Variants in NYAP2 observed in about 807,000 individuals in gnomAD.
NYAP2 encodes neuronal tyrosine-phosphorylated phosphoinositide-3-kinase adapter 2.
NYAP2 carries 23 observed loss-of-function variants against 50.4 expected under a neutral mutation model. The observed-to-expected ratio is 0.46, with a 90% confidence interval of 0.33 to 0.65. NYAP2 has a LOEUF of 0.65. Ranked by LOEUF, NYAP2 falls within the 30% of genes least tolerant of loss-of-function variation. The pLI is 0.02. For synonymous variants in NYAP2, 394 were observed against 365.2 expected, an observed-to-expected ratio of 1.08 and a Z score of -0.90; for missense variants, 885 against 861.0, an observed-to-expected ratio of 1.03 and a Z score of -0.35.
chr2:225,688,954 G>A, the NYAP2 span, among the ~76,000 whole-genome samples: 27 of 152,150 alleles, frequency 1.8e-4, no homozygotes, highest in Non-Finnish European at 2.6e-4. Flanking sequence ...AGTTGGCCAG[G>A]CTGGTCTGGA....
chr2:225,616,407 A>G (rs1270993698), intron 5 of NYAP2, among the ~76,000 whole-genome samples: 1 of 152,220 alleles, frequency 6.6e-6, no homozygotes, highest in Non-Finnish European at 1.5e-5. Flanking sequence ...GGAGGATGGA[A>G]TAATAGCAGT....
At chr2:225,429,826 A>G (rs1224616037) in intron 3 of NYAP2, among the ~76,000 whole-genome samples, 1 of 152,178 alleles carries the variant, frequency 6.6e-6, no homozygotes, top group African/African-American at 2.4e-5. Flanking sequence ...ATAGAGCAGC[A>G]TATCAGGAAA....
chr2:225,582,316 C>G lies in NYAP2; in HGVS notation c.899C>G (p.Thr300Arg), dbSNP rs376660568. The stretch of plus-strand genomic sequence containing the variant: ...TGTTCTTCGCAGTGTGCTACTCCCA[C>G]GGTGCCTGACTTGGACTTCGCCAAG... Residue 300 changes from threonine (T) to arginine (R), a missense_variant, in exon 5 of 7, where the codon ACG becomes AGG. By Grantham distance (71) the Thr-to-Arg change is moderately conservative. Transcript: ENST00000636099. The surrounding 1 kb of genome is among the most constrained non-coding windows in gnomAD (Gnocchi z 7.0). The G allele has an allele frequency of 1.9e-6, 3 of 1,613,904 alleles. No individual in the cohort carries two copies. In the African/African-American group the frequency reaches 4.0e-5, roughly 22 times the overall value.
intron 6 of NYAP2, among the ~76,000 whole-genome samples, chr2:225,636,466 C>T (rs1693416483): frequency 6.9e-6 from 1 of 145,618 alleles, no homozygotes; most frequent in Non-Finnish European, 1.5e-5. Context: ...GTAATCATGC[C>T]CTTGGTAATG....
chr2:225,658,286 A>G (rs568179677), downstream of NYAP2, among the ~76,000 whole-genome samples: 8 of 152,280 alleles, frequency 5.3e-5, no homozygotes, highest in African/African-American at 1.9e-4. Context: ...ATTTCCAAAC[A>G]TGAAAAACCC....
At chr2:225,577,998 C>A (rs1692197664) in intron 4 of NYAP2, among the ~76,000 whole-genome samples, 1 of 152,084 alleles carries the variant, frequency 6.6e-6, no homozygotes, top group Admixed American at 6.5e-5. Context: ...GTGGTGCCAT[C>A]TTGGGTCACT....
rs1392944050 is a variant in NYAP2, at chr2:225,408,826, C to T, written c.-17-38C>T. Reference sequence around the variant, plus strand: ...ATAAACAGCACCTTGCTTTTTTCCCCACCCTGGATAAAAGTAAAATGTGTT... The same window carrying T: ...ATAAACAGCACCTTGCTTTTTTCCCTACCCTGGATAAAAGTAAAATGTGTT... On this transcript the variant is annotated intron_variant, in intron 2 of 6. Coordinates refer to ENST00000636099, the Ensembl canonical transcript of NYAP2. 8 of 1,213,982 alleles carry T rather than the reference C, an allele frequency of 6.6e-6. No individual in the cohort carries two copies. In the African/African-American group the frequency reaches 7.6e-5, roughly 12 times the overall value. 75.2% of individuals were successfully genotyped at this position (1,213,982 alleles called of 1,614,324 possible).
intron 3 of NYAP2, among the ~76,000 whole-genome samples, chr2:225,438,613 A>G (rs1003627455): frequency 2.6e-5 from 4 of 152,260 alleles, no homozygotes; most frequent in Non-Finnish European, 4.4e-5. Flanking sequence ...AGAATTAAAG[A>G]TAGTATATAT....
In NYAP2 at chr2:225,410,603, T is replaced by C. The variant is rs563117866; in HGVS notation, c.221+1502T>C. 1.1e-4 allele frequency among the ~76,000 whole-genome samples: 16 copies of C among 152,248 alleles called. No homozygotes were observed. The South Asian group carries it at 3.3e-3, about 32-fold the overall frequency. ...TTGTAATCTTGGCATTAAAACTCAA[T>C]AATAAATCCTTTTCTATAAGCATAT... is the stretch of plus-strand genomic sequence containing the variant. On this transcript the variant is annotated intron_variant, in intron 3 of 6. Transcript: ENST00000636099.
chr2:225,552,930 C>T (rs1691704182), intron 4 of NYAP2, among the ~76,000 whole-genome samples: 1 of 152,194 alleles, frequency 6.6e-6, no homozygotes, highest in Non-Finnish European at 1.5e-5. Flanking sequence ...TCGTGATCCA[C>T]CTGCCTCGGC....
chr2:225,496,171 C>T (rs1242155656), intron 3 of NYAP2, among the ~76,000 whole-genome samples: 2 of 152,066 alleles, frequency 1.3e-5, no homozygotes, highest in African/African-American at 2.4e-5. Context: ...AGGTTGAAAA[C>T]GCAAAGGAAG....
intron 3 of NYAP2, among the ~76,000 whole-genome samples, chr2:225,477,551 T>A (rs1399866514): frequency 3.9e-5 from 6 of 152,044 alleles, no homozygotes; most frequent in Non-Finnish European, 2.9e-5. Flanking sequence ...TCTCTATTTC[T>A]AACAAGTTCA....
chr2:225,561,186 G>T (rs905832237), intron 4 of NYAP2, among the ~76,000 whole-genome samples: 1 of 152,008 alleles, frequency 6.6e-6, no homozygotes, highest in Non-Finnish European at 1.5e-5. Context: ...ACAGACAGGG[G>T]GATGACCATT....
At chr2:225,509,563 C>T (rs184542603) in intron 3 of NYAP2, among the ~76,000 whole-genome samples, 1 of 152,292 alleles carries the variant, frequency 6.6e-6, no homozygotes, top group Non-Finnish European at 1.5e-5. Flanking sequence ...AGGTGCACAC[C>T]ACCATGATCA....
chr2:225,572,791 C>A (rs1443647471), intron 4 of NYAP2, among the ~76,000 whole-genome samples: 2 of 152,190 alleles, frequency 1.3e-5, no homozygotes, highest in Admixed American at 1.3e-4. Flanking sequence ...TCCATGTCCA[C>A]AACAGAGATC....
chr2:225,700,499 A>C, the NYAP2 span: 1 of 151,894 alleles, frequency 6.6e-6, no homozygotes, highest in Admixed American at 6.6e-5. Context: ...CACCAGCTAT[A>C]GATTATGTTT....
chr2:225,582,459 C>G lies in NYAP2; in HGVS notation c.1042C>G (p.Pro348Ala). ...TCCCCCCGCCCCCGTGCATTGCTCC[C>G]CCAACTCCGACGAGTCCCCGCTTAC... The change falls in exon 5 of 7, where the codon CCC becomes GCC. Residue 348 changes from proline to alanine, a missense_variant. Pro to Ala is a conservative substitution (Grantham distance 27, BLOSUM62 -1). Coordinates refer to ENST00000636099, the Ensembl canonical transcript of NYAP2. The surrounding 1 kb of genome is among the most constrained non-coding windows in gnomAD (Gnocchi z 7.0). The G allele has an allele frequency of 1.3e-6, 2 of 1,535,558 alleles. No homozygotes were observed. The highest frequency in any genetic ancestry group is 1.8e-6 in the Non-Finnish European group (2 of 1,132,700).
intron 4 of NYAP2, among the ~76,000 whole-genome samples, chr2:225,535,185 G>A (rs1196071659): frequency 2.0e-5 from 3 of 152,208 alleles, no homozygotes; most frequent in Admixed American, 2.0e-4. Context: ...CTTGGCCAGT[G>A]AGATACAGGA....
chr2:225,512,793 TCCC>T lies in NYAP2; in HGVS notation c.222-577_222-575del, dbSNP rs1448910402. ...CTTTTTCTCTTTTTCCCTCTTTCCC[TCCC>T]TCCCTCTCTTTCTTTTCTTTCTTTC... On this transcript the variant is annotated intron_variant, in intron 3 of 6. Transcript: ENST00000636099. Among the ~76,000 whole-genome samples, 43 of 128,262 alleles carry T rather than the reference TCCC, an allele frequency of 3.4e-4. 1 individual carries two copies. The highest frequency in any genetic ancestry group is 1.5e-3 in the African/African-American group (42 of 27,262). 84.1% of individuals were successfully genotyped at this position (128,262 alleles called of 152,430 possible).
Sources: allele counts gnomAD v4.1 joint callset (sites outside exome capture counted in the v4.1 genomes callset), GRCh38; gene constraint gnomAD v4.1.1; non-coding constraint Gnocchi (gnomAD v3.1); transcripts MANE v1.5; gene names NCBI Gene and HGNC (gene_info 2026-07-23, HGNC 2026-07-21).